PAWR: variants seen among roughly 807,000 people sequenced by gnomAD.
PAWR encodes PRKC apoptosis WT1 regulator protein.
A neutral mutation model predicts 32.0 loss-of-function variants in PAWR; 23 were observed. That is an observed-to-expected ratio of 0.72 (90% CI 0.52 to 1.02). The LOEUF is 1.02. Among genes scored for constraint, PAWR ranks in the 50% least tolerant of loss-of-function variants. The pLI is 0.00. For synonymous variants in PAWR, 226 were observed against 187.1 expected, an observed-to-expected ratio of 1.21 and a Z score of -1.70; for missense variants, 457 against 437.7, an observed-to-expected ratio of 1.04 and a Z score of -0.39.
chr12:79,603,625 T>TCCATCTTA (rs1442565973), intron 4 of PAWR: 1 of 151,862 alleles, frequency 6.6e-6, no homozygotes, highest in Non-Finnish European at 1.5e-5. Flanking sequence ...TTTAAAACCT[T>TCCATCTTA]CCATCTTAGA....
At chr12:79,677,880 A>C (rs1878244920) in intron 2 of PAWR, among the ~76,000 whole-genome samples, 1 of 152,218 alleles carries the variant, frequency 6.6e-6, no homozygotes, top group Non-Finnish European at 1.5e-5. Context: ...GGCAAAGTAC[A>C]AACTCAGGGA....
Position 79,658,888 on chromosome 12 carries a change from T to A in PAWR, c.516+30841A>T, listed in dbSNP as rs1318109392. Among the ~76,000 whole-genome samples, 6 of 151,070 alleles carry A rather than the reference T, an allele frequency of 4.0e-5. No homozygotes were observed. In the East Asian group the frequency reaches 1.2e-3, roughly 29 times the overall value. ...ATTGGCCAGGCTGGTCTTGAACTCG[T>A]GACTTCAAGTGATCCACCCACCTCA... On this transcript the variant is annotated intron_variant, in intron 2 of 6. Transcript: ENST00000328827.
In PAWR at chr12:79,621,142, T is replaced by G. The variant is rs1174090567; in HGVS notation, c.582A>C (p.Thr194=). The G allele has an allele frequency of 6.2e-7, 1 of 1,609,540 alleles. No homozygotes were observed. Among genetic ancestry groups the G allele is most frequent in the Admixed American group, 1.7e-5 (1 of 60,008 alleles). The change falls in exon 3 of 7, where the codon ACA becomes ACC. Residue 194 remains threonine, a synonymous_variant. Transcript: ENST00000328827. Reference sequence around the variant, plus strand: ...CTTCATTCTGAATAGTGTTCTGTTGTGTAATTGCATCTTCTCGTTTCCGCT... The same window carrying G: ...CTTCATTCTGAATAGTGTTCTGTTGGGTAATTGCATCTTCTCGTTTCCGCT... ...QKERKREDAI[T]QQNTIQNEAV...
At chr12:79,616,158 C>T (rs1380131237) in intron 3 of PAWR, among the ~76,000 whole-genome samples, 1 of 151,670 alleles carries the variant, frequency 6.6e-6, no homozygotes, top group African/African-American at 2.4e-5. Flanking sequence ...CCTAATATTA[C>T]CCTATATGAA....
chr12:79,604,739 C>T (rs1874101511), intron 4 of PAWR: 3 of 1,245,578 alleles, frequency 2.4e-6, no homozygotes, highest in Middle Eastern at 2.2e-4. Flanking sequence ...TACAAACATA[C>T]ACATAAGCAC....
At chr12:79,596,753 C>A in intron 4 of PAWR, 95 bp from the exon 5 acceptor site, 2 of 732,968 alleles carry the variant, frequency 2.7e-6, no homozygotes, top group South Asian at 2.2e-5. Flanking sequence ...TTAACATTCC[C>A]CAAGGACATA....
At chr12:79,644,970 A>T (rs1565687889) in intron 2 of PAWR, among the ~76,000 whole-genome samples, 1 of 151,750 alleles carries the variant, frequency 6.6e-6, no homozygotes, top group Admixed American at 6.6e-5. Context: ...TTTCCATAGC[A>T]TCACATCTTT....
intron 4 of PAWR, among the ~76,000 whole-genome samples, chr12:79,607,107 T>C (rs1295701375): frequency 1.3e-5 from 2 of 152,184 alleles, no homozygotes; most frequent in African/African-American, 2.4e-5. Context: ...TTGGGTAAAA[T>C]ATAGAACATA....
chr12:79,637,781 G>A lies in PAWR; in HGVS notation c.517-16574C>T, dbSNP rs527706901. On this transcript the variant is annotated intron_variant, in intron 2 of 6. Transcript: ENST00000328827. ...CTTGGGAACTGAGTAAATTTAAAAC[G>A]TACAAATTTTCAAAACTATTAACAT... 1.1e-4 allele frequency among the ~76,000 whole-genome samples: 17 copies of A among 151,474 alleles called. 1 individual carries two copies. In the South Asian group the frequency reaches 2.7e-3, roughly 24 times the overall value.
chr12:79,681,976 G>T (rs1449256877), intron 2 of PAWR, among the ~76,000 whole-genome samples: 1 of 152,062 alleles, frequency 6.6e-6, no homozygotes, highest in East Asian at 1.9e-4. Context: ...AAAATCAATT[G>T]ATACTTTATG....
At chr12:79,632,952 G>A (rs1049748572) in intron 2 of PAWR, among the ~76,000 whole-genome samples, 2 of 152,168 alleles carry the variant, frequency 1.3e-5, no homozygotes, top group East Asian at 3.9e-4. Context: ...TGGCCAACAT[G>A]GTGAAACCCT....
intron 2 of PAWR, among the ~76,000 whole-genome samples, chr12:79,663,219 T>C (rs947123362): frequency 9.9e-5 from 15 of 152,214 alleles, no homozygotes; most frequent in African/African-American, 3.6e-4. Flanking sequence ...TCTAAGGTTT[T>C]GTACATGGGA....
chr12:79,660,809 C>A (rs1330102770), intron 2 of PAWR, among the ~76,000 whole-genome samples: 1 of 151,670 alleles, frequency 6.6e-6, no homozygotes, highest in Non-Finnish European at 1.5e-5. Context: ...GTCTTGAACT[C>A]CTGAACTGAG....
At chr12:79,616,763 A>G (rs1019038255) in intron 3 of PAWR, among the ~76,000 whole-genome samples, 1 of 152,128 alleles carries the variant, frequency 6.6e-6, no homozygotes, top group African/African-American at 2.4e-5. Flanking sequence ...TAACTCAGTA[A>G]GTTTTACACA....
Position 79,626,956 on chromosome 12 carries a change from G to A in PAWR, c.517-5749C>T, listed in dbSNP as rs147937592. 1.6e-3 allele frequency among the ~76,000 whole-genome samples: 240 copies of A among 152,276 alleles called. 6 individuals are homozygous for A. In the East Asian group the frequency reaches 0.039, roughly 25 times the overall value. ...ACGGCTGCATAGTATTCCATGGTGT[G>A]TATATGCCACATTTTCTTAATCCAG... On this transcript the variant is annotated intron_variant, in intron 2 of 6. Coordinates refer to ENST00000328827, the MANE Select transcript of PAWR (RefSeq NM_002583.4).
At chr12:79,596,797 A>G in intron 4 of PAWR, 139 bp from the exon 5 acceptor site, 1 of 540,332 alleles carries the variant, frequency 1.9e-6, no homozygotes, top group Non-Finnish European at 3.2e-6. Flanking sequence ...TAACTGTAGA[A>G]GTTAATCATT....
rs145739110 is a variant in PAWR at position 79,639,524 on chromosome 12, C to T, written c.517-18317G>A. 2.1e-3 allele frequency among the ~76,000 whole-genome samples: 323 copies of T among 152,290 alleles called. 2 individuals are homozygous for T. The highest frequency in any genetic ancestry group is 7.6e-3 in the African/African-American group (315 of 41,562). On this transcript the variant is annotated intron_variant, in intron 2 of 6. Coordinates refer to ENST00000328827, the MANE Select transcript of PAWR (RefSeq NM_002583.4). ...CTGTAAAGTTCATCTTTAGCCTCAA[C>T]TGGTCCCTCTCAAGAAACTTCACAC...
intron 2 of PAWR, among the ~76,000 whole-genome samples, chr12:79,662,166 C>T (rs1403785059): frequency 9.2e-6 from 1 of 109,090 alleles, no homozygotes; most frequent in Non-Finnish European, 1.7e-5. Context: ...CCCACAAGTT[C>T]AAGGCCAGCC....
chr12:79,684,278 C>A (rs1304751546), intron 2 of PAWR, among the ~76,000 whole-genome samples: 1 of 151,812 alleles, frequency 6.6e-6, no homozygotes, highest in Non-Finnish European at 1.5e-5. Context: ...TTTTCTGGCA[C>A]ACATCATAGG....
Sources: allele counts gnomAD v4.1 joint callset (sites outside exome capture counted in the v4.1 genomes callset), GRCh38; gene constraint gnomAD v4.1.1; transcripts MANE v1.5; gene names NCBI Gene and HGNC (gene_info 2026-07-23, HGNC 2026-07-21).